RTN1: variants seen among roughly 807,000 people sequenced by gnomAD.
The protein encoded by RTN1 is reticulon 1.
A neutral mutation model predicts 65.5 loss-of-function variants in RTN1; 25 were observed. The ratio of observed to expected loss-of-function variants is 0.38; its 90% CI spans 0.28 to 0.53. The LOEUF is 0.53. Ranked by LOEUF, RTN1 falls within the 20% of genes least tolerant of loss-of-function variation. The pLI, the probability that RTN1 is intolerant of heterozygous loss-of-function variation, is 0.79. For missense variants in RTN1, 983 were observed against 1,025.4 expected, an observed-to-expected ratio of 0.96 and a Z score of 0.57; for synonymous variants, 471 against 447.6, an observed-to-expected ratio of 1.05 and a Z score of -0.66.
At chr14:59,735,424 T>C (rs1884983059) in intron 2 of RTN1, among the ~76,000 whole-genome samples, 1 of 152,106 alleles carries the variant, frequency 6.6e-6, no homozygotes, top group Non-Finnish European at 1.5e-5. Flanking sequence ...AATGCCCCAA[T>C]TAAAAGACAC....
chr14:59,831,146 G>A (rs1887118069), intron 1 of RTN1, among the ~76,000 whole-genome samples: 1 of 152,200 alleles, frequency 6.6e-6, no homozygotes, highest in African/African-American at 2.4e-5. Flanking sequence ...CAACCCACCT[G>A]TGGTGGTGAA....
intron 2 of RTN1, among the ~76,000 whole-genome samples, chr14:59,730,486 C>A (rs1884875734): frequency 6.6e-6 from 1 of 152,046 alleles, no homozygotes; most frequent in Non-Finnish European, 1.5e-5. Context: ...AGATATGACA[C>A]CAAAAACAGA....
chr14:59,749,176 C>CTATA lies in RTN1; in HGVS notation c.242-2699_242-2696dup, dbSNP rs1320415412. On this transcript the variant is annotated intron_variant, in intron 1 of 8. Coordinates refer to ENST00000267484, the MANE Select transcript of RTN1 (RefSeq NM_021136.3). ...TATCTATATCTATCTATATATCTAT[C>CTATA]TATATATCTATCTATATATATCTAT... Among the ~76,000 whole-genome samples, 156 of 103,406 alleles carry CTATA rather than the reference C, an allele frequency of 1.5e-3. 35 individuals are homozygous for CTATA. The highest frequency in any genetic ancestry group is 7.4e-3 in the African/African-American group (141 of 18,978). 67.8% of individuals were successfully genotyped at this position (103,406 alleles called of 152,430 possible). A position where few individuals can be genotyped will look rare whatever the true frequency, so the allele number is the denominator to read the frequency against.
Position 59,727,132 on chromosome 14 carries a change from C to A in RTN1, c.1552G>T (p.Glu518Ter). The A allele has an allele frequency of 6.2e-7, 1 of 1,605,348 alleles. No individual in the cohort carries two copies. The highest frequency in any genetic ancestry group is 1.1e-5 in the South Asian group (1 of 89,874). ...ERAPSRRGLA[E>*]PGSFLDYPST... ...GGGTAGTCGAGGAAGGAACCCGGCT[C>A]GGCCAGGCCCCGCCGGCTTGGCGCA... The change falls in exon 3 of 9, where the codon GAG becomes TAG. Residue 518 changes from glutamate to a stop codon, truncating the protein, a stop_gained. Coordinates refer to ENST00000267484, the MANE Select transcript of RTN1 (RefSeq NM_021136.3). LOFTEE classifies it high-confidence loss of function. This position sits in a 1 kb window ranked among gnomAD's most constrained non-coding sequence, Gnocchi z 4.2.
chr14:59,600,932 G>T (rs1308105417), intron 8 of RTN1, among the ~76,000 whole-genome samples: 2 of 152,038 alleles, frequency 1.3e-5, no homozygotes, highest in Non-Finnish European at 2.9e-5. Flanking sequence ...TTTGAATTAT[G>T]ATAACCTCCT....
At chr14:59,719,802 T>C (rs188821374) in intron 3 of RTN1, among the ~76,000 whole-genome samples, 6 of 152,294 alleles carry the variant, frequency 3.9e-5, no homozygotes, top group Admixed American at 2.6e-4. Flanking sequence ...GAATTAGAAG[T>C]ATCTGAATTA....
At chr14:59,695,528 A>C (rs926009333) in intron 3 of RTN1, among the ~76,000 whole-genome samples, 8 of 152,134 alleles carry the variant, frequency 5.3e-5, no homozygotes, top group Non-Finnish European at 8.8e-5. Context: ...CAAAACGAAA[A>C]CATGCATGGA....
At position 59,748,320 on chromosome 14, in the gene RTN1, C is replaced by T. The variant is rs78272345; in HGVS notation, c.242-1839G>A. Among the ~76,000 whole-genome samples the T allele has an allele frequency of 2.6e-3, 391 of 150,182 alleles. 5 individuals are homozygous for T. In the East Asian group the frequency reaches 0.037, roughly 14 times the overall value. The stretch of plus-strand genomic sequence containing the variant: ...GGTTGCACAAGCTATTGTTTCTCTA[C>T]GGGCAGTGGAAAAGCACAAAGCCTC... On this transcript the variant is annotated intron_variant, in intron 1 of 8. Transcript: ENST00000267484.
chr14:59,659,039 A>C (rs1883184843), intron 3 of RTN1, among the ~76,000 whole-genome samples: 1 of 152,132 alleles, frequency 6.6e-6, no homozygotes, highest in South Asian at 2.1e-4. Flanking sequence ...GAAGAACATA[A>C]ATGACCTGAT....
intron 1 of RTN1, among the ~76,000 whole-genome samples, chr14:59,864,039 G>A (rs1887756107): frequency 1.3e-5 from 2 of 152,230 alleles, no homozygotes; most frequent in South Asian, 4.2e-4. Flanking sequence ...CCACCCCCAT[G>A]TTAGATTCTC....
At chr14:59,749,995 A>ATATATTATATACATATATATTATATAT (rs1885408895) in intron 1 of RTN1, among the ~76,000 whole-genome samples, 2 of 62,136 alleles carry the variant, frequency 3.2e-5, no homozygotes, top group South Asian at 7.0e-4. Context: ...TTATATACAT[A>ATATATTATATACATATATATTATATAT]TATATTATAT....
At chr14:59,749,521 ATT>A (rs1885361943) in intron 1 of RTN1, among the ~76,000 whole-genome samples, 2 of 36,544 alleles carry the variant, frequency 5.5e-5, no homozygotes, top group African/African-American at 2.1e-4. Context: ...ATATCTATAT[ATT>A]TATATATATC....
intron 1 of RTN1, among the ~76,000 whole-genome samples, chr14:59,798,181 T>A (rs946742231): frequency 6.6e-6 from 1 of 152,198 alleles, no homozygotes; most frequent in Non-Finnish European, 1.5e-5. Context: ...TTCTCTCCAA[T>A]GAGGTCAAGT....
chr14:59,795,686 A>T (rs80156668), intron 1 of RTN1, among the ~76,000 whole-genome samples: 1,917 of 152,336 alleles, frequency 0.013, 38 homozygotes, highest in African/African-American at 0.043. Context: ...CTCATTAAGA[A>T]GTTCATTAAA....
chr14:59,765,944 A>T (rs756033732), intron 1 of RTN1, among the ~76,000 whole-genome samples: 14 of 152,132 alleles, frequency 9.2e-5, no homozygotes, highest in Non-Finnish European at 1.6e-4. Flanking sequence ...AAAGAAAAAA[A>T]CTTGGCTGGG....
At chr14:59,861,397 A>C (rs1292136405) in intron 1 of RTN1, among the ~76,000 whole-genome samples, 1 of 152,188 alleles carries the variant, frequency 6.6e-6, no homozygotes, top group African/African-American at 2.4e-5. Context: ...TGGAACTGTA[A>C]GTTGATTAAA....
At chr14:59,832,004 G>T (rs1360342105) in intron 1 of RTN1, among the ~76,000 whole-genome samples, 4 of 152,204 alleles carry the variant, frequency 2.6e-5, no homozygotes, top group African/African-American at 9.6e-5. Flanking sequence ...AGCTCCAGAA[G>T]GGCAGAGATG....
At chr14:59,853,940 C>A (rs567482419) in intron 1 of RTN1, among the ~76,000 whole-genome samples, 2 of 149,774 alleles carry the variant, frequency 1.3e-5, no homozygotes, top group South Asian at 4.2e-4. Flanking sequence ...TCTCGGCTCA[C>A]TGCAACCTCC....
At position 59,782,183 on chromosome 14, in the gene RTN1, C is replaced by G. The variant is rs115591318; in HGVS notation, c.242-35702G>C. Among the ~76,000 whole-genome samples the G allele has an allele frequency of 8.5e-3, 1,291 of 152,250 alleles. 13 individuals are homozygous for G. The highest frequency in any genetic ancestry group is 0.03 in the African/African-American group (1,227 of 41,536). ...ATCTTGACCTTCCCAGCCTCTGGATCTGCAAGAAATAAGTTTCTGTTGTTT... is the reference window on the plus strand; with the variant it reads ...ATCTTGACCTTCCCAGCCTCTGGATGTGCAAGAAATAAGTTTCTGTTGTTT... On this transcript the variant is annotated intron_variant, in intron 1 of 8. Transcript: ENST00000267484.
Sources: gnomAD v4.1 joint callset for allele counts (sites outside exome capture counted in the v4.1 genomes callset) on GRCh38, gnomAD v4.1.1 for gene constraint, Gnocchi (gnomAD v3.1) non-coding constraint, MANE v1.5 for transcripts, NCBI Gene and HGNC (gene_info 2026-07-23, HGNC 2026-07-21) for gene names.